Variants in ABCA13 observed in about 807,000 individuals in gnomAD.
ABCA13 encodes the protein ATP-binding cassette sub-family A member 13.
ABCA13 carries 476 observed loss-of-function variants against 478.7 expected under a neutral mutation model. The observed-to-expected ratio is 0.99, with a 90% CI of 0.92 to 1.07. ABCA13 has a LOEUF of 1.07. Ranked by LOEUF, ABCA13 falls within the 50% of genes least tolerant of loss-of-function variation. The pLI is 0.00. For missense variants in ABCA13, 6,060 were observed against 5,910.6 expected (o/e 1.03, Z -0.83); for synonymous variants, 2,252 against 2,158.9 (o/e 1.04, Z -1.20).
chr7:48,617,265 A>G (rs1792678513), intron 59 of ABCA13, among the ~76,000 whole-genome samples: 1 of 152,198 alleles, frequency 6.6e-6, no homozygotes, highest in African/African-American at 2.4e-5. Flanking sequence ...GATGGATGAG[A>G]GAACTTGTAG....
chr7:48,277,896 C>T (rs1796508658), intron 17 of ABCA13, among the ~76,000 whole-genome samples, 198 bp from the exon 18 acceptor site: 1 of 152,084 alleles, frequency 6.6e-6, no homozygotes, highest in Non-Finnish European at 1.5e-5. Flanking sequence ...TGAAATTCCT[C>T]ACTCTTTTCA....
chr7:48,274,573 G>A lies in ABCA13; in HGVS notation c.4907G>A (p.Arg1636Lys), dbSNP rs770725166. ...ACAGGTCTTGGTATTCAACTGATAA[G>A]GGATGTGTTCAACTCCTTAATGCCT... The part of the protein sequence containing the change: ...KATGLGIQLI[R>K]DVFNSLMPVV... The change falls in exon 17 of 62, where the codon AGG (arginine) becomes AAG (lysine). Residue 1636 changes from arginine to lysine, a missense_variant. Coordinates refer to ENST00000435803, the MANE Select transcript of ABCA13 (RefSeq NM_152701.5). 1.2e-5 allele frequency: 20 copies of A among 1,613,744 alleles called. No homozygotes were observed. The East Asian group carries it at 3.3e-4, about 27-fold the overall frequency.
At chr7:48,320,474 G>A (rs1161151675) in intron 27 of ABCA13, among the ~76,000 whole-genome samples, 1 of 152,172 alleles carries the variant, frequency 6.6e-6, no homozygotes, top group Non-Finnish European at 1.5e-5. Context: ...AAGGGTGTCA[G>A]ACTCAGTATT....
At chr7:48,342,868 A>G (rs1366101863) in intron 29 of ABCA13, among the ~76,000 whole-genome samples, 1 of 152,142 alleles carries the variant, frequency 6.6e-6, no homozygotes, top group Non-Finnish European at 1.5e-5. Flanking sequence ...AAACATACCA[A>G]TGAAGTTCTT....
chr7:48,395,678 T>G (rs1225757275), intron 38 of ABCA13, among the ~76,000 whole-genome samples: 1 of 152,202 alleles, frequency 6.6e-6, no homozygotes, highest in African/African-American at 2.4e-5. Flanking sequence ...ATGATCCACT[T>G]CTAGTTAGAC....
intron 29 of ABCA13, among the ~76,000 whole-genome samples, chr7:48,345,114 T>C (rs1217163738): frequency 1.3e-5 from 2 of 152,208 alleles, no homozygotes; most frequent in Non-Finnish European, 2.9e-5. Context: ...TGTCAGCACA[T>C]TGTAGAACAA....
chr7:48,356,022 G>A lies in ABCA13; in HGVS notation c.10688+3535G>A, dbSNP rs755806231. 7.2e-4 allele frequency among the ~76,000 whole-genome samples: 109 copies of A among 152,068 alleles called. 1 individual carries two copies. Among genetic ancestry groups the A allele is most frequent in the South Asian group, 2.1e-4 (1 of 4,818 alleles). On this transcript the variant is annotated intron_variant, in intron 31 of 61. Coordinates refer to ENST00000435803, the MANE Select transcript of ABCA13 (RefSeq NM_152701.5). ...AAAATAGAGAGGGCCGAGACCAAAT[G>A]TGGGGCCCCTCCCATGAAGAGGTAA... is the stretch of plus-strand genomic sequence containing the variant.
intron 33 of ABCA13, among the ~76,000 whole-genome samples, chr7:48,373,299 A>G (rs73099317): frequency 2.6e-4 from 40 of 152,316 alleles, no homozygotes; most frequent in Admixed American, 2.0e-3. Context: ...AAAGTCCTTT[A>G]GTCCAGCACA....
chr7:48,216,975 T>A lies in ABCA13; in HGVS notation c.288-2379T>A, dbSNP rs115105540. On this transcript the variant is annotated intron_variant, in intron 3 of 61. Coordinates refer to ENST00000435803, the MANE Select transcript of ABCA13 (RefSeq NM_152701.5). ...TTTGTAGCTCTCAGTTCTATGTATA[T>A]TTCATTAAATGTATTCCTAAGTAGT... is the stretch of plus-strand genomic sequence containing the variant. Among the ~76,000 whole-genome samples, 746 of 152,354 alleles carry A rather than the reference T, an allele frequency of 4.9e-3. 3 individuals are homozygous for A. Among genetic ancestry groups the A allele is most frequent in the African/African-American group, 0.017 (705 of 41,584 alleles).
intron 56 of ABCA13, among the ~76,000 whole-genome samples, chr7:48,584,535 G>T (rs1199674695): frequency 2.6e-5 from 4 of 152,122 alleles, no homozygotes; most frequent in African/African-American, 9.7e-5. Flanking sequence ...AGCCCATGTG[G>T]GTGAGTATAT....
At chr7:48,284,181 T>C (rs1050858298) in intron 19 of ABCA13, among the ~76,000 whole-genome samples, 1 of 152,328 alleles carries the variant, frequency 6.6e-6, no homozygotes, top group East Asian at 1.9e-4. Flanking sequence ...TCCCTTTTTT[T>C]GTAATACAAA....
In ABCA13 at chr7:48,206,693, G is replaced by A. The variant is rs139856210; in HGVS notation, c.287+8333G>A. Among the ~76,000 whole-genome samples, 53 of 151,874 alleles carry A rather than the reference G, an allele frequency of 3.5e-4. No homozygotes were observed. The East Asian group carries it at 9.7e-3, about 28-fold the overall frequency. ...CATACTAGTTTTATATATCTCTGAGGTATGTGCAATATTTTGATACAAATA... is the reference window on the plus strand; with the variant it reads ...CATACTAGTTTTATATATCTCTGAGATATGTGCAATATTTTGATACAAATA... On this transcript the variant is annotated intron_variant, in intron 3 of 61. Transcript: ENST00000435803.
chr7:48,602,725 A>G (rs1791037976), intron 58 of ABCA13, among the ~76,000 whole-genome samples: 1 of 151,186 alleles, frequency 6.6e-6, no homozygotes, highest in East Asian at 1.9e-4. Flanking sequence ...TTGGTTCCAT[A>G]TGAAATTTAA....
At position 48,275,720 on chromosome 7, in the gene ABCA13, T is replaced by TACGC; in HGVS notation, c.6056_6059dup (p.Asn2021AlafsTer2). ...CTGAAGACTGGAGCCTAGAAAAAAG[T>TACGC]ACGCATAATCTACTCTCTTTATTCA... On this transcript the variant is annotated frameshift_variant, in exon 17 of 62. Transcript: ENST00000435803. LOFTEE classifies it high-confidence loss of function. 6.2e-7 allele frequency: 1 copy of TACGC among 1,602,968 alleles called. No individual in the cohort carries two copies. The highest frequency in any genetic ancestry group is 1.1e-5 in the South Asian group (1 of 89,582).
At chr7:48,226,478 T>C (rs1788225636) in intron 5 of ABCA13, among the ~76,000 whole-genome samples, 1 of 152,198 alleles carries the variant, frequency 6.6e-6, no homozygotes, top group Non-Finnish European at 1.5e-5. Context: ...TCTGTTTGTT[T>C]GTTTTAACTC....
At chr7:48,208,374 A>C (rs1785195192) in intron 3 of ABCA13, among the ~76,000 whole-genome samples, 1 of 152,082 alleles carries the variant, frequency 6.6e-6, no homozygotes, top group Non-Finnish European at 1.5e-5. Flanking sequence ...GATTGCATTG[A>C]ATCTGAAGAT....
At chr7:48,506,902 C>A (rs1418063684) in intron 49 of ABCA13, among the ~76,000 whole-genome samples, 1 of 152,134 alleles carries the variant, frequency 6.6e-6, no homozygotes, top group Non-Finnish European at 1.5e-5. Flanking sequence ...CTCTTTTTCT[C>A]CCCCATCTCC....
At chr7:48,422,910 A>G (rs1290144251) in intron 41 of ABCA13, among the ~76,000 whole-genome samples, 4 of 152,246 alleles carry the variant, frequency 2.6e-5, no homozygotes, top group African/African-American at 9.6e-5. Flanking sequence ...GGCTGGGGCC[A>G]TTGGCCAAAC....
intron 6 of ABCA13, among the ~76,000 whole-genome samples, chr7:48,228,326 T>G (rs1788548955): frequency 6.6e-6 from 1 of 152,140 alleles, no homozygotes; most frequent in Admixed American, 6.5e-5. Flanking sequence ...CCACACACCC[T>G]GATTCCCTCT....
Sources: gnomAD v4.1 joint callset for allele counts (sites outside exome capture counted in the v4.1 genomes callset) on GRCh38, gnomAD v4.1.1 for gene constraint, MANE v1.5 for transcripts, NCBI Gene and HGNC (gene_info 2026-07-23, HGNC 2026-07-21) for gene names.